NXPH2: variants seen among roughly 807,000 people sequenced by gnomAD.
NXPH2 encodes neurexophilin-2.
In NXPH2, 5 loss-of-function variants were observed where a neutral mutation model predicts 19.8. That is an observed-to-expected ratio of 0.25 (90% CI 0.13 to 0.53). NXPH2 has a LOEUF of 0.53. Ranked by LOEUF, NXPH2 falls within the 20% of genes least tolerant of loss-of-function variation. NXPH2 has a pLI of 0.96. For synonymous variants in NXPH2, 154 were observed against 127.4 expected (o/e 1.21, Z -1.41); for missense variants, 289 against 322.8 (o/e 0.90, Z 0.80).
At chr2:138,734,210 A>G (rs1001692651) in intron 1 of NXPH2, among the ~76,000 whole-genome samples, 1 of 152,234 alleles carries the variant, frequency 6.6e-6, no homozygotes, top group African/African-American at 2.4e-5. Flanking sequence ...CCACCACTGC[A>G]TTCCAGCCTG....
At chr2:138,680,626 G>A (rs574265145) in intron 1 of NXPH2, among the ~76,000 whole-genome samples, 7 of 151,898 alleles carry the variant, frequency 4.6e-5, no homozygotes, top group African/African-American at 1.7e-4. Context: ...TATACATCTC[G>A]GTATATCAGA....
At chr2:138,697,717 T>C (rs1680849067) in intron 1 of NXPH2, among the ~76,000 whole-genome samples, 1 of 151,724 alleles carries the variant, frequency 6.6e-6, no homozygotes, top group South Asian at 2.1e-4. Context: ...TTTGGAAAAA[T>C]AATGCAATAT....
intron 1 of NXPH2, among the ~76,000 whole-genome samples, chr2:138,719,185 A>G (rs1681239814): frequency 6.6e-6 from 1 of 152,178 alleles, no homozygotes; most frequent in Non-Finnish European, 1.5e-5. Flanking sequence ...GGTCTTTGGA[A>G]AGAATGAGAT....
chr2:138,780,228 G>A lies in NXPH2; in HGVS notation c.14C>T (p.Pro5Leu), dbSNP rs1190248955. 3.4e-6 allele frequency: 5 copies of A among 1,461,500 alleles called. No individual in the cohort carries two copies. Among genetic ancestry groups the A allele is most frequent in the Non-Finnish European group, 3.6e-6 (4 of 1,116,264 alleles). The allele number at this position is 1,461,500 out of a possible 1,614,324, so 90.5% of individuals were successfully genotyped here. The change falls in exon 1 of 2, where the codon CCG becomes CTG. Residue 5 changes from proline to leucine, a missense_variant. Transcript: ENST00000272641. The part of the protein sequence containing the change: MRLR[P>L]LPLVVVPGLL... ...GCCAGGGACCACCACGAGGGGCAGCGGCCGCAGGCGCATGGTGCCGGCTGG... is the reference window on the plus strand; with the variant it reads ...GCCAGGGACCACCACGAGGGGCAGCAGCCGCAGGCGCATGGTGCCGGCTGG...
chr2:138,769,069 A>T (rs1682134763), intron 1 of NXPH2, among the ~76,000 whole-genome samples: 1 of 152,248 alleles, frequency 6.6e-6, no homozygotes, highest in Non-Finnish European at 1.5e-5. Flanking sequence ...ATAAGAATTT[A>T]GACTCACTGT....
At position 138,670,067 on chromosome 2, in the gene NXPH2, G is replaced by T. The variant is rs138116601; in HGVS notation, c.*855C>A. Among the ~76,000 whole-genome samples the T allele has an allele frequency of 6.6e-6, 1 of 152,290 alleles. No homozygotes were observed. The highest frequency in any genetic ancestry group is 1.5e-5 in the Non-Finnish European group (1 of 68,032). ...TCAACTTCAGAGCTGTTCTACACAT[G>T]TGTAAAGAATCACACTATCGAATGA... On this transcript the variant is annotated 3_prime_UTR_variant, in exon 2 of 2. Transcript: ENST00000272641.
chr2:138,721,870 T>C (rs1425517739), intron 1 of NXPH2, among the ~76,000 whole-genome samples: 1 of 152,218 alleles, frequency 6.6e-6, no homozygotes, highest in Non-Finnish European at 1.5e-5. Context: ...AGCAGGTAGA[T>C]ATGAAAGTGT....
intron 1 of NXPH2, among the ~76,000 whole-genome samples, chr2:138,695,808 T>C (rs971015112): frequency 1.3e-5 from 2 of 152,142 alleles, no homozygotes; most frequent in Middle Eastern, 3.4e-3. Flanking sequence ...AGACAAGATA[T>C]ACAAATAGCC....
chr2:138,721,880 T>C (rs942914368), intron 1 of NXPH2, among the ~76,000 whole-genome samples: 2 of 152,232 alleles, frequency 1.3e-5, no homozygotes, highest in Non-Finnish European at 2.9e-5. Flanking sequence ...TATGAAAGTG[T>C]AGTGTGCTTT....
At chr2:138,759,934 T>A (rs1681983226) in intron 1 of NXPH2, among the ~76,000 whole-genome samples, 1 of 152,012 alleles carries the variant, frequency 6.6e-6, no homozygotes, top group African/African-American at 2.4e-5. Flanking sequence ...TTTCACCATG[T>A]TAGCCAGGAT....
At chr2:138,754,288 C>G (rs1289740157) in intron 1 of NXPH2, among the ~76,000 whole-genome samples, 1 of 152,142 alleles carries the variant, frequency 6.6e-6, no homozygotes, top group Non-Finnish European at 1.5e-5. Flanking sequence ...ATTAGAGTAT[C>G]ATATAGAATA....
At chr2:138,695,440 C>T (rs949410900) in intron 1 of NXPH2, among the ~76,000 whole-genome samples, 2 of 152,106 alleles carry the variant, frequency 1.3e-5, no homozygotes, top group African/African-American at 4.8e-5. Flanking sequence ...ACACCAGGTG[C>T]TTGCTTGGGA....
intron 1 of NXPH2, among the ~76,000 whole-genome samples, chr2:138,706,887 C>T (rs1232596081): frequency 6.6e-6 from 1 of 150,738 alleles, no homozygotes; most frequent in Non-Finnish European, 1.5e-5. Flanking sequence ...TGGGTAACAC[C>T]GTGAGACCCT....
chr2:138,744,313 A>G (rs1681691922), intron 1 of NXPH2, among the ~76,000 whole-genome samples: 1 of 152,176 alleles, frequency 6.6e-6, no homozygotes, highest in African/African-American at 2.4e-5. Flanking sequence ...TGGCTTCATA[A>G]TGGATATGTT....
intron 1 of NXPH2, among the ~76,000 whole-genome samples, chr2:138,758,316 T>C (rs1373079269): frequency 1.3e-5 from 2 of 152,160 alleles, no homozygotes; most frequent in Non-Finnish European, 2.9e-5. Context: ...TGAATTCTGC[T>C]CTGGCACCAA....
intron 1 of NXPH2, among the ~76,000 whole-genome samples, chr2:138,767,738 G>A (rs140080112): frequency 6.6e-6 from 1 of 152,080 alleles, no homozygotes; most frequent in Non-Finnish European, 1.5e-5. Flanking sequence ...TTTTTCATTT[G>A]AGCATGGAAA....
intron 1 of NXPH2, among the ~76,000 whole-genome samples, chr2:138,777,710 A>C (rs144399287): frequency 6.7e-4 from 101 of 151,686 alleles, no homozygotes; most frequent in Non-Finnish European, 1.1e-3. Flanking sequence ...AAATGAATCT[A>C]TTATTCTTTT....
At chr2:138,714,445 C>G (rs965685999) in intron 1 of NXPH2, among the ~76,000 whole-genome samples, 1 of 152,066 alleles carries the variant, frequency 6.6e-6, no homozygotes, top group Non-Finnish European at 1.5e-5. Flanking sequence ...AATGGGGTAA[C>G]TTTTCTCATT....
intron 1 of NXPH2, among the ~76,000 whole-genome samples, chr2:138,696,802 A>C (rs1680836710): frequency 6.6e-6 from 1 of 152,222 alleles, no homozygotes; most frequent in Non-Finnish European, 1.5e-5. Context: ...TTTTACACAA[A>C]AATTTATAGC....
Sources: gnomAD v4.1 joint callset for allele counts (sites outside exome capture counted in the v4.1 genomes callset) on GRCh38, gnomAD v4.1.1 for gene constraint, MANE v1.5 for transcripts, NCBI Gene and HGNC (gene_info 2026-07-23, HGNC 2026-07-21) for gene names.